The following FRY variants were observed in gnomAD, a reference collection of about 807,000 sequenced individuals.
The protein encoded by FRY is protein furry homolog.
A neutral mutation model predicts 348.4 loss-of-function variants in FRY; 128 were observed. That is an observed-to-expected ratio of 0.37 (90% CI 0.32 to 0.43). FRY has a LOEUF of 0.43. Among genes scored for constraint, FRY ranks in the 20% least tolerant of loss-of-function variants. FRY has a pLI of 1.00. For synonymous variants in FRY, 1,370 were observed against 1,374.7 expected (o/e 1.00, Z 0.08); for missense variants, 2,736 against 3,695.2 (o/e 0.74, Z 6.73).
rs537279993 is a variant in FRY, at chr13:32,193,406, T to C, written c.3592-737T>C. On this transcript the variant is annotated intron_variant, in intron 28 of 60. Coordinates refer to ENST00000542859, the MANE Select transcript of FRY (RefSeq NM_023037.3). ...CCACTATAATTATCACTATTCCTAC[T>C]GGCATCAAAATGTTTAGGTGAGTGG... 2.0e-5 allele frequency among the ~76,000 whole-genome samples: 3 copies of C among 152,084 alleles called. No homozygotes were observed. The East Asian group carries it at 5.8e-4, about 29-fold the overall frequency.
At chr13:32,293,803 A>G (rs1191760403) in intron 59 of FRY, among the ~76,000 whole-genome samples, 3 of 152,354 alleles carry the variant, frequency 2.0e-5, no homozygotes, top group African/African-American at 7.2e-5. Flanking sequence ...GTGTGGAACC[A>G]AGAGTGAGAA....
intron 28 of FRY, among the ~76,000 whole-genome samples, chr13:32,189,606 T>A (rs1883214758): frequency 6.6e-6 from 1 of 151,700 alleles, no homozygotes; most frequent in Admixed American, 6.6e-5. Flanking sequence ...AAATCATAAA[T>A]CCATGGCAAG....
At position 32,207,962 on chromosome 13, in the gene FRY, C is replaced by T. The variant is rs571777975; in HGVS notation, c.4019-891C>T. On this transcript the variant is annotated intron_variant, in intron 31 of 60. Transcript: ENST00000542859. ...AGATATGAGAGATAGGAGATTACATCGGAGCCTACTGCATATACATAATGC... is the reference window on the plus strand; with the variant it reads ...AGATATGAGAGATAGGAGATTACATTGGAGCCTACTGCATATACATAATGC... 2.9e-4 allele frequency among the ~76,000 whole-genome samples: 44 copies of T among 152,296 alleles called. No individual in the cohort carries two copies. The South Asian group carries it at 3.7e-3, about 13-fold the overall frequency.
chr13:32,123,820 TTTG>T (rs34241410), intron 4 of FRY, among the ~76,000 whole-genome samples: 13 of 151,740 alleles, frequency 8.6e-5, no homozygotes, highest in South Asian at 2.1e-4. Flanking sequence ...ATTAGCATGT[TTTG>T]TTGTTGTTGT....
chr13:32,047,661 CCTGGGTT>C (rs1486567385), intron 1 of FRY, among the ~76,000 whole-genome samples: 1 of 151,588 alleles, frequency 6.6e-6, no homozygotes, highest in African/African-American at 2.4e-5. Flanking sequence ...ACCTCCACCT[CCTGGGTT>C]CAAGTGATTC....
Position 32,183,724 on chromosome 13 carries a change from C to T in FRY, c.3054+690C>T, listed in dbSNP as rs547946744. On this transcript the variant is annotated intron_variant, in intron 24 of 60. Coordinates refer to ENST00000542859, the MANE Select transcript of FRY (RefSeq NM_023037.3). Reference sequence around the variant, plus strand: ...CTGGGAGGTGGAGGTTGCAGTGAGCCGAGATCACGCCACTGCACTCCAGCC... The same window carrying T: ...CTGGGAGGTGGAGGTTGCAGTGAGCTGAGATCACGCCACTGCACTCCAGCC... Among the ~76,000 whole-genome samples, 8 of 142,068 alleles carry T rather than the reference C, an allele frequency of 5.6e-5. No homozygotes were observed. The South Asian group carries it at 6.6e-4, about 12-fold the overall frequency. 93.2% of individuals were successfully genotyped at this position (142,068 alleles called of 152,430 possible). A position where few individuals can be genotyped will look rare whatever the true frequency, so the allele number is the denominator to read the frequency against.
chr13:32,085,782 G>A (rs1157983537), intron 2 of FRY: 7 of 481,086 alleles, frequency 1.5e-5, no homozygotes, highest in African/African-American at 1.2e-4. Context: ...CTTGAGCAGG[G>A]GACTTGACTG....
chr13:32,158,492 C>T (rs1383359801), intron 16 of FRY, among the ~76,000 whole-genome samples: 1 of 152,148 alleles, frequency 6.6e-6, no homozygotes, highest in East Asian at 1.9e-4. Context: ...AGATTAATAA[C>T]GTTAAAAATA....
At chr13:32,249,242 T>C (rs563725838) in intron 48 of FRY, among the ~76,000 whole-genome samples, 4 of 152,310 alleles carry the variant, frequency 2.6e-5, no homozygotes, top group African/African-American at 9.6e-5. Context: ...ACTGACTATT[T>C]GGTTTCCTGC....
chr13:32,149,716 A>C, intron 13 of FRY, 32 bp from the exon 14 acceptor site: 2 of 1,252,404 alleles, frequency 1.6e-6, no homozygotes, highest in Non-Finnish European at 2.4e-6. Flanking sequence ...ATATTTTAAC[A>C]CTTTCATTTT....
At chr13:32,045,462 G>A (rs561377555) in intron 1 of FRY, among the ~76,000 whole-genome samples, 7 of 152,234 alleles carry the variant, frequency 4.6e-5, no homozygotes, top group South Asian at 4.1e-4. Context: ...AGCTTTGAAC[G>A]TTGATCTCCA....
chr13:32,187,439 G>A (rs1027994827), intron 27 of FRY, 107 bp from the exon 28 acceptor site: 16 of 730,172 alleles, frequency 2.2e-5, no homozygotes, highest in Non-Finnish European at 3.8e-5. Flanking sequence ...GTCTTTAGAG[G>A]GCCCTTATCA....
intron 17 of FRY, among the ~76,000 whole-genome samples, chr13:32,169,958 A>G (rs1449476422): frequency 6.6e-6 from 1 of 152,262 alleles, no homozygotes; most frequent in Non-Finnish European, 1.5e-5. Flanking sequence ...ATTTTGGGCC[A>G]GAAAATTCTT....
Position 32,249,615 on chromosome 13 carries a change from A to C in FRY, c.7098A>C (p.Thr2366=), listed in dbSNP as rs760113086. The change falls in exon 49 of 61, where the codon ACA becomes ACC. Residue 2366 remains threonine, a synonymous_variant. Coordinates refer to ENST00000542859, the MANE Select transcript of FRY (RefSeq NM_023037.3). ...GGGCCATGGCCGTCACCCGGAGCAC[A>C]TCTTCCACTTCCTCAGGCTCCAACT... ...KPRAMAVTRS[T]SSTSSGSNSN... is the part of the protein sequence containing the mutation. 1.2e-6 allele frequency: 2 copies of C among 1,614,108 alleles called. No homozygotes were observed. Among genetic ancestry groups the C allele is most frequent in the African/African-American group, 2.7e-5 (2 of 74,942 alleles).
intron 1 of FRY, among the ~76,000 whole-genome samples, chr13:32,065,991 T>C (rs1265153037): frequency 6.6e-6 from 1 of 152,216 alleles, no homozygotes; most frequent in Non-Finnish European, 1.5e-5. Flanking sequence ...CTAGGAAATA[T>C]AGATATTTTC....
At chr13:32,221,760 G>T (rs1332345893) in intron 36 of FRY, among the ~76,000 whole-genome samples, 1 of 152,168 alleles carries the variant, frequency 6.6e-6, no homozygotes, top group Non-Finnish European at 1.5e-5. Flanking sequence ...TGATCCACCC[G>T]CCTGGGCCTT....
At position 32,239,286 on chromosome 13, in the gene FRY, G is replaced by A. The variant is rs200943295; in HGVS notation, c.6453G>A (p.Gln2151=). 1 of 1,611,180 alleles carries A rather than the reference G, an allele frequency of 6.2e-7. No individual in the cohort carries two copies. The highest frequency in any genetic ancestry group is 8.5e-7 in the Non-Finnish European group (1 of 1,177,366). ...TGAATGTCTTGTGTCTCCTGCCTCAGCTGATTCAGCATTTTGAAAATCCCA... is the reference window on the plus strand; with the variant it reads ...TGAATGTCTTGTGTCTCCTGCCTCAACTGATTCAGCATTTTGAAAATCCCA... ...FPLNVLCLLP[Q]LIQHFENPNQ... is the part of the protein sequence containing the mutation. The change falls in exon 45 of 61, where the codon CAG becomes CAA. Residue 2151 remains glutamine, a synonymous_variant. Transcript: ENST00000542859. This position sits in a 1 kb window ranked among gnomAD's most constrained non-coding sequence, Gnocchi z 4.3.
intron 2 of FRY, among the ~76,000 whole-genome samples, chr13:32,090,074 C>G (rs117633412): frequency 6.6e-6 from 1 of 151,648 alleles, no homozygotes. Context: ...CACAGCCGGG[C>G]GCTGTGGCTC....
In FRY at chr13:32,298,952, T is replaced by C. The variant is rs745350383; in HGVS notation, c.*3492T>C. 6 of 152,234 alleles carry C rather than the reference T, an allele frequency of 3.9e-5. No individual in the cohort carries two copies. The highest frequency in any genetic ancestry group is 1.4e-4 in the African/African-American group (6 of 41,468). The allele number at this position is 152,234 out of a possible 1,614,324, so 9.4% of individuals were successfully genotyped here. ...CAGGGTAGTGACATGCTGTGACTTA[T>C]GTTTAAAAGGATTACTCCTTCATAG... On this transcript the variant is annotated 3_prime_UTR_variant, in exon 61 of 61. Coordinates refer to ENST00000542859, the MANE Select transcript of FRY (RefSeq NM_023037.3).
Sources: allele counts gnomAD v4.1 joint callset (sites outside exome capture counted in the v4.1 genomes callset), GRCh38; gene constraint gnomAD v4.1.1; non-coding constraint Gnocchi (gnomAD v3.1); transcripts MANE v1.5; gene names NCBI Gene and HGNC (gene_info 2026-07-23, HGNC 2026-07-21).